Variants in GRIK1 observed in about 807,000 individuals in gnomAD.
The protein encoded by GRIK1 is glutamate receptor ionotropic, kainate 1.
A neutral mutation model predicts 105.7 loss-of-function variants in GRIK1; 69 were observed. That is an observed-to-expected ratio of 0.65 (90% CI 0.54 to 0.80). The LOEUF (loss-of-function observed/expected upper bound fraction) is 0.80, where lower values mean the gene tolerates loss of function less well. Ranked by LOEUF, GRIK1 falls within the 30% of genes least tolerant of loss-of-function variation. The pLI is 0.00. For missense variants in GRIK1, 1,109 were observed against 1,167.3 expected (o/e 0.95, Z 0.73); for synonymous variants, 438 against 431.3 (o/e 1.02, Z -0.19).
chr21:29,743,686 C>A lies in GRIK1; in HGVS notation c.119-49623G>T, dbSNP rs142550542. Among the ~76,000 whole-genome samples, 712 of 151,934 alleles carry A rather than the reference C, an allele frequency of 4.7e-3. 8 individuals carry two copies. Among genetic ancestry groups the A allele is most frequent in the African/African-American group, 0.016 (682 of 41,428 alleles). ...CTCTAGCGTGGGTGATAGAGTGAGA[C>A]TCCATCTCAGAAAAAAATATATATA... On this transcript the variant is annotated intron_variant, in intron 1 of 17. Transcript: ENST00000327783.
At position 29,630,567 on chromosome 21, in the gene GRIK1, A is replaced by G. The variant is rs776957945; in HGVS notation, c.1098+12259T>C. ...ACAAGCTGCCAATAATGTCTGCAAA[A>G]AGTGAATTCTTCCAACAACTACGTG... On this transcript the variant is annotated intron_variant, in intron 7 of 17. Transcript: ENST00000327783. 4 of 471,604 alleles carry G rather than the reference A, an allele frequency of 8.5e-6. 1 individual carries two copies. Among genetic ancestry groups the G allele is most frequent in the South Asian group, 6.2e-5 (4 of 64,570 alleles). The allele number at this position is 471,604 out of a possible 1,614,324, so 29.2% of individuals were successfully genotyped here.
intron 1 of GRIK1, among the ~76,000 whole-genome samples, chr21:29,876,341 C>T (rs2069190939): frequency 6.6e-6 from 1 of 151,920 alleles, no homozygotes; most frequent in African/African-American, 2.4e-5. Context: ...TCTCTCTTTC[C>T]CTTCTCTTTT....
chr21:29,686,656 C>T (rs1468671819), intron 3 of GRIK1, among the ~76,000 whole-genome samples: 1 of 152,230 alleles, frequency 6.6e-6, no homozygotes, highest in Non-Finnish European at 1.5e-5. Flanking sequence ...CGTGTGCTTG[C>T]TTGCTACTTT....
At chr21:29,629,799 C>A (rs1274650834) in intron 7 of GRIK1, among the ~76,000 whole-genome samples, 1 of 152,008 alleles carries the variant, frequency 6.6e-6, no homozygotes, top group East Asian at 2.0e-4. Flanking sequence ...AATTTTCTCA[C>A]ATAAGTTGGC....
chr21:29,660,918 A>G (rs1441996930), intron 4 of GRIK1, among the ~76,000 whole-genome samples: 1 of 152,244 alleles, frequency 6.6e-6, no homozygotes, highest in Non-Finnish European at 1.5e-5. Context: ...TCAGAAAACC[A>G]GGTGAATGAT....
At chr21:29,655,968 C>G (rs1868246784) in intron 4 of GRIK1, among the ~76,000 whole-genome samples, 1 of 152,120 alleles carries the variant, frequency 6.6e-6, no homozygotes, top group South Asian at 2.1e-4. Flanking sequence ...GGAGACAATT[C>G]TTTCTAAATA....
intron 1 of GRIK1, among the ~76,000 whole-genome samples, chr21:29,748,014 C>T (rs1404036814): frequency 7.2e-5 from 11 of 152,184 alleles, no homozygotes; most frequent in African/African-American, 2.4e-5. Context: ...AAGAGACATG[C>T]CACCTCCACT....
chr21:29,664,117 G>T (rs189811805), intron 4 of GRIK1, among the ~76,000 whole-genome samples: 43 of 152,312 alleles, frequency 2.8e-4, no homozygotes, highest in Non-Finnish European at 4.0e-4. Context: ...AGGAGAAACT[G>T]GTTGGTTGGG....
At chr21:29,867,848 GA>G (rs1381661708) in intron 1 of GRIK1, among the ~76,000 whole-genome samples, 1 of 138,568 alleles carries the variant, frequency 7.2e-6, no homozygotes, top group East Asian at 2.1e-4. Context: ...AAGAAGGAAG[GA>G]AAGAGAGAAA....
chr21:29,772,161 A>C (rs1465590277), intron 1 of GRIK1, among the ~76,000 whole-genome samples: 1 of 152,212 alleles, frequency 6.6e-6, no homozygotes, highest in East Asian at 1.9e-4. Flanking sequence ...ATCTTTCGAA[A>C]TGGAAATGTT....
intron 1 of GRIK1, among the ~76,000 whole-genome samples, chr21:29,925,990 G>A (rs370133150): frequency 9.2e-5 from 14 of 151,872 alleles, no homozygotes; most frequent in East Asian, 3.9e-4. Flanking sequence ...TATACCACTC[G>A]TTTGTAAATG....
At chr21:29,815,020 A>G (rs994173279) in intron 1 of GRIK1, among the ~76,000 whole-genome samples, 5 of 152,274 alleles carry the variant, frequency 3.3e-5, no homozygotes, top group African/African-American at 9.6e-5. Flanking sequence ...TGAGTATTAA[A>G]TGAGTTAATG....
At chr21:29,665,289 AAT>A (rs1394486305) in intron 4 of GRIK1, among the ~76,000 whole-genome samples, 4 of 152,180 alleles carry the variant, frequency 2.6e-5, no homozygotes, top group African/African-American at 9.7e-5. Context: ...TACATTTAAT[AAT>A]ATACTCGTAA....
rs115690205 is a variant in GRIK1, at chr21:29,538,048, C to T, written c.2608-164G>A. The stretch of plus-strand genomic sequence containing the variant: ...GCATAATACAAAAGAAAATGGAAAA[C>T]GGAATTATGATTAAAAAATGTTCTA... On this transcript the variant is annotated intron_variant, in intron 16 of 17. Transcript: ENST00000327783. Among the ~76,000 whole-genome samples the T allele has an allele frequency of 5.7e-3, 866 of 152,052 alleles. 5 individuals carry two copies. Among genetic ancestry groups the T allele is most frequent in the African/African-American group, 0.02 (821 of 41,478 alleles).
chr21:29,767,864 A>ATGTGTGTGTGTG (rs60618188), intron 1 of GRIK1, among the ~76,000 whole-genome samples: 2 of 147,224 alleles, frequency 1.4e-5, no homozygotes, highest in Non-Finnish European at 3.0e-5. Flanking sequence ...GCTGAAATTC[A>ATGTGTGTGTGTG]TGTGTGTGTG....
intron 15 of GRIK1, among the ~76,000 whole-genome samples, chr21:29,560,909 T>A (rs1418156287): frequency 2.6e-5 from 4 of 152,050 alleles, no homozygotes; most frequent in African/African-American, 9.7e-5. Context: ...CATGATACAG[T>A]TTTCTATAGA....
intron 4 of GRIK1, among the ~76,000 whole-genome samples, chr21:29,658,070 A>T (rs887415891): frequency 6.6e-6 from 1 of 152,164 alleles, no homozygotes. Context: ...ATACTTTATT[A>T]GGGCGGTATT....
chr21:29,843,624 TG>T (rs1285004032), intron 1 of GRIK1, among the ~76,000 whole-genome samples: 1 of 152,188 alleles, frequency 6.6e-6, no homozygotes, highest in Non-Finnish European at 1.5e-5. Flanking sequence ...TTTAGAATTT[TG>T]GTTTCTGTTG....
At chr21:29,711,666 A>T (rs577549801) in intron 1 of GRIK1, among the ~76,000 whole-genome samples, 127 of 152,220 alleles carry the variant, frequency 8.3e-4, no homozygotes, top group Non-Finnish European at 1.6e-3. Flanking sequence ...CTTTAAAAAA[A>T]TTTGTTAAAG....
Sources: gnomAD v4.1 joint callset for allele counts (sites outside exome capture counted in the v4.1 genomes callset) on GRCh38, gnomAD v4.1.1 for gene constraint, MANE v1.5 for transcripts, NCBI Gene and HGNC (gene_info 2026-07-23, HGNC 2026-07-21) for gene names.